Variants in EBF1 observed in about 807,000 individuals in gnomAD.
The protein encoded by EBF1 is transcription factor COE1.
In EBF1, 10 loss-of-function variants were observed where a neutral mutation model predicts 68.4. The observed-to-expected ratio is 0.15, with a 90% CI of 0.09 to 0.25. EBF1 has a LOEUF of 0.25. EBF1 is among the 10% of genes least tolerant of loss of function. The pLI, the probability that EBF1 is intolerant of heterozygous loss-of-function variation, is 1.00. For synonymous variants in EBF1, 298 were observed against 299.8 expected (o/e 0.99, Z 0.06); for missense variants, 509 against 794.4 (o/e 0.64, Z 4.32).
At chr5:158,950,737 C>T (rs1583416185) in intron 6 of EBF1, among the ~76,000 whole-genome samples, 3 of 152,160 alleles carry the variant, frequency 2.0e-5, no homozygotes, top group Admixed American at 6.5e-5. Context: ...GACTATACCA[C>T]CAGCATGTGG....
intron 6 of EBF1, among the ~76,000 whole-genome samples, chr5:158,963,491 A>G (rs190494643): frequency 6.6e-6 from 1 of 152,288 alleles, no homozygotes; most frequent in East Asian, 1.9e-4. Flanking sequence ...CTCCAACTGA[A>G]AAAACAACTT....
chr5:158,866,915 T>G (rs1475527038), intron 6 of EBF1, among the ~76,000 whole-genome samples: 1 of 137,814 alleles, frequency 7.3e-6, no homozygotes, highest in Non-Finnish European at 1.5e-5. Context: ...AGTGCATATG[T>G]CTAAGCACAT....
At chr5:158,994,456 G>A (rs1462619112) in intron 6 of EBF1, among the ~76,000 whole-genome samples, 1 of 152,206 alleles carries the variant, frequency 6.6e-6, no homozygotes, top group Non-Finnish European at 1.5e-5. Context: ...AAAGGGAGCT[G>A]TGAAAACACA....
At chr5:158,868,284 C>A (rs1433971770) in intron 6 of EBF1, among the ~76,000 whole-genome samples, 2 of 151,998 alleles carry the variant, frequency 1.3e-5, no homozygotes, top group Non-Finnish European at 2.9e-5. Context: ...GAGTTTAATT[C>A]TTTCAACTTA....
intron 11 of EBF1, among the ~76,000 whole-genome samples, chr5:158,715,004 T>G (rs369859118): frequency 6.6e-6 from 1 of 152,200 alleles, no homozygotes; most frequent in African/African-American, 2.4e-5. Context: ...ACAAAGTGAG[T>G]GTGGTGCTAA....
intron 6 of EBF1, 163 bp from the exon 7 acceptor site, chr5:158,840,273 GT>G: frequency 3.3e-6 from 2 of 599,734 alleles, no homozygotes; most frequent in Non-Finnish European, 5.9e-6. Context: ...TTTAGCCTTT[GT>G]TTTGTTTCCA....
chr5:159,073,387 G>A lies in EBF1; in HGVS notation c.554+9C>T. On this transcript the variant is annotated intron_variant, in intron 6 of 15. Coordinates refer to ENST00000313708, the MANE Select transcript of EBF1 (RefSeq NM_024007.5). ...AATAAGAATCCAGTGAAAGAAGAGT[G>A]GTCCCTACCTGTCAATTATCACTGG... 4 of 1,613,574 alleles carry A rather than the reference G, an allele frequency of 2.5e-6. No individual in the cohort carries two copies. Among genetic ancestry groups the A allele is most frequent in the South Asian group, 1.1e-5 (1 of 91,038 alleles).
intron 6 of EBF1, among the ~76,000 whole-genome samples, chr5:159,055,520 T>C (rs896267700): frequency 1.3e-5 from 2 of 152,196 alleles, no homozygotes; most frequent in African/African-American, 4.8e-5. Context: ...AGCAATTTAA[T>C]GTGTCGAGCC....
chr5:158,896,604 T>C (rs1160311964), intron 6 of EBF1, among the ~76,000 whole-genome samples: 1 of 152,152 alleles, frequency 6.6e-6, no homozygotes, highest in African/African-American at 2.4e-5. Flanking sequence ...GGGACTCAAA[T>C]TGTATGATTT....
At chr5:159,024,780 G>GT (rs1324527971) in intron 6 of EBF1, among the ~76,000 whole-genome samples, 3 of 152,168 alleles carry the variant, frequency 2.0e-5, no homozygotes, top group African/African-American at 7.2e-5. Flanking sequence ...CTAAGTAAGA[G>GT]TGACCACTAA....
chr5:158,795,527 C>A (rs1200192596), intron 9 of EBF1, among the ~76,000 whole-genome samples: 2 of 152,090 alleles, frequency 1.3e-5, no homozygotes, highest in Non-Finnish European at 2.9e-5. Flanking sequence ...ACCTTGTAAC[C>A]CTAACATTGT....
intron 8 of EBF1, 65 bp downstream of exon 8, chr5:158,823,111 A>C: frequency 6.2e-7 from 1 of 1,607,822 alleles, no homozygotes; most frequent in Non-Finnish European, 8.5e-7. Flanking sequence ...GTGGAGTGGA[A>C]GAAAGAAACC....
chr5:158,771,074 C>G (rs1581733749), intron 10 of EBF1, among the ~76,000 whole-genome samples: 1 of 152,112 alleles, frequency 6.6e-6, no homozygotes, highest in Non-Finnish European at 1.5e-5. Context: ...AAAATCAGAA[C>G]AGAACACAGG....
chr5:158,925,685 C>A (rs1485260837), intron 6 of EBF1, among the ~76,000 whole-genome samples: 2 of 152,254 alleles, frequency 1.3e-5, no homozygotes, highest in Non-Finnish European at 2.9e-5. Flanking sequence ...CACAGAGCCA[C>A]ACCCCACACT....
chr5:158,919,920 C>T (rs766845874), intron 6 of EBF1, among the ~76,000 whole-genome samples: 8 of 152,122 alleles, frequency 5.3e-5, no homozygotes, highest in Non-Finnish European at 1.2e-4. Flanking sequence ...TGTTTTTCTG[C>T]TATATGCATT....
chr5:158,751,200 T>C (rs890834438), intron 10 of EBF1, among the ~76,000 whole-genome samples: 3 of 152,152 alleles, frequency 2.0e-5, no homozygotes, highest in African/African-American at 7.2e-5. Context: ...ATTGGATGAT[T>C]TGAACTCCTT....
At chr5:158,892,352 G>C (rs538815178) in intron 6 of EBF1, among the ~76,000 whole-genome samples, 66 of 152,236 alleles carry the variant, frequency 4.3e-4, no homozygotes, top group African/African-American at 1.4e-3. Flanking sequence ...AGCCGGTTGT[G>C]GTGGTGCACA....
intron 4 of EBF1, among the ~76,000 whole-genome samples, chr5:159,087,194 G>A (rs967661486): frequency 2.7e-5 from 4 of 150,756 alleles, no homozygotes; most frequent in Non-Finnish European, 4.4e-5. Flanking sequence ...TATTTGTCAT[G>A]CTAAGCTAAA....
At chr5:158,957,528 A>T (rs1236286461) in intron 6 of EBF1, among the ~76,000 whole-genome samples, 1 of 152,240 alleles carries the variant, frequency 6.6e-6, no homozygotes, top group African/African-American at 2.4e-5. Context: ...CTCTCTGAAC[A>T]TTTTATCTCC....
Sources: gnomAD v4.1 joint callset for allele counts (sites outside exome capture counted in the v4.1 genomes callset) on GRCh38, gnomAD v4.1.1 for gene constraint, MANE v1.5 for transcripts, NCBI Gene and HGNC (gene_info 2026-07-23, HGNC 2026-07-21) for gene names.